The following GRIA3 variants were observed in gnomAD, a reference collection of about 807,000 sequenced individuals.
GRIA3 encodes the protein glutamate ionotropic receptor AMPA type subunit 3.
In GRIA3, 3 loss-of-function variants were observed where a neutral mutation model predicts 63.0. The ratio of observed to expected loss-of-function variants is 0.05; its 90% CI spans 0.02 to 0.12. The LOEUF is 0.12. GRIA3 is among the 10% of genes least tolerant of loss of function. GRIA3 has a pLI of 1.00. For synonymous variants in GRIA3, 274 were observed against 257.9 expected (o/e 1.06, Z -0.60); for missense variants, 347 against 700.9 (o/e 0.50, Z 5.70).
intron 13 of GRIA3, among the ~76,000 whole-genome samples, chrX:123,471,382 G>T (rs956828699): frequency 5.4e-5 from 6 of 112,003 alleles, no homozygotes; most frequent in Non-Finnish European, 1.1e-4. Flanking sequence ...TTTAAAAAAT[G>T]AACTATGGCC....
intron 12 of GRIA3, among the ~76,000 whole-genome samples, chrX:123,435,500 G>GC (rs2045639275): frequency 8.9e-6 from 1 of 112,016 alleles, no homozygotes; most frequent in African/African-American, 3.2e-5. Context: ...GGATCCTGAT[G>GC]CTCTGAGTCT....
chrX:123,426,464 C>T (rs1213039075), intron 11 of GRIA3, among the ~76,000 whole-genome samples: 2 of 111,875 alleles, frequency 1.8e-5, no homozygotes, highest in African/African-American at 6.5e-5. Context: ...AGTCCCAACC[C>T]CCAGGGTTAT....
At chrX:123,477,218 G>A (rs750980668) in intron 13 of GRIA3, among the ~76,000 whole-genome samples, 4 of 111,839 alleles carry the variant, frequency 3.6e-5, no homozygotes, top group Non-Finnish European at 5.6e-5. Flanking sequence ...AAATGATTAA[G>A]AATCCCAAAT....
intron 3 of GRIA3, among the ~76,000 whole-genome samples, chrX:123,302,619 G>C (rs1383158084): frequency 9.0e-6 from 1 of 111,227 alleles, no homozygotes; most frequent in Admixed American, 9.6e-5. Context: ...GTAGTAGAAG[G>C]CATGCAATTT....
chrX:123,199,224 T>C (rs1014920827), intron 2 of GRIA3, among the ~76,000 whole-genome samples: 1 of 110,631 alleles, frequency 9.0e-6, no homozygotes, highest in African/African-American at 3.3e-5. Flanking sequence ...TAAGCATAGA[T>C]TCATGAGAAA....
chrX:123,393,845 T>C (rs904722628), intron 5 of GRIA3, among the ~76,000 whole-genome samples: 2 of 112,271 alleles, frequency 1.8e-5, no homozygotes, highest in African/African-American at 6.5e-5. Context: ...CTTCAGCTCA[T>C]TGAAGACCCT....
At chrX:123,331,318 C>T (rs755140573) in intron 4 of GRIA3, among the ~76,000 whole-genome samples, 2 of 111,586 alleles carry the variant, frequency 1.8e-5, no homozygotes, top group Non-Finnish European at 3.8e-5. Context: ...TCAGAAACCC[C>T]GGCTGTCACT....
chrX:123,377,097 G>A (rs1372561719), intron 5 of GRIA3, among the ~76,000 whole-genome samples: 1 of 109,727 alleles, frequency 9.1e-6, no homozygotes, highest in Non-Finnish European at 1.9e-5. Context: ...ACCATGCCCG[G>A]CTAATTTTTT....
chrX:123,447,471 G>A (rs1163767095), intron 12 of GRIA3, among the ~76,000 whole-genome samples: 1 of 111,355 alleles, frequency 9.0e-6, no homozygotes, highest in Non-Finnish European at 1.9e-5. Context: ...ACCAAATAAT[G>A]GTGTGATTTG....
intron 10 of GRIA3, among the ~76,000 whole-genome samples, chrX:123,410,730 T>C (rs955579055): frequency 3.6e-5 from 4 of 111,461 alleles, no homozygotes; most frequent in African/African-American, 1.3e-4. Flanking sequence ...CCCCCCTCCT[T>C]CAAATGATGC....
intron 5 of GRIA3, among the ~76,000 whole-genome samples, chrX:123,389,896 CGA>C (rs2045375793): frequency 9.1e-6 from 1 of 110,444 alleles, no homozygotes; most frequent in Non-Finnish European, 1.9e-5. Context: ...TTAGTAGAGA[CGA>C]AGTTTCACCA....
intron 2 of GRIA3, among the ~76,000 whole-genome samples, chrX:123,200,248 G>T (rs780139028): frequency 9.1e-6 from 1 of 109,661 alleles, no homozygotes; most frequent in African/African-American, 3.3e-5. Flanking sequence ...TATTATTATA[G>T]AATTTAAAAT....
At chrX:123,229,209 C>T (rs1256957955) in intron 2 of GRIA3, among the ~76,000 whole-genome samples, 1 of 111,305 alleles carries the variant, frequency 9.0e-6, no homozygotes, top group African/African-American at 3.3e-5. Context: ...TGCAGGTCTA[C>T]AATTCAGGTC....
intron 6 of GRIA3, among the ~76,000 whole-genome samples, chrX:123,395,929 G>A (rs2045410567): frequency 9.1e-6 from 1 of 110,453 alleles, no homozygotes; most frequent in South Asian, 3.9e-4. Context: ...GCTGTGGTAC[G>A]AAATAGGGGA....
intron 2 of GRIA3, among the ~76,000 whole-genome samples, chrX:123,210,329 C>T (rs1391896692): frequency 9.1e-6 from 1 of 110,329 alleles, no homozygotes; most frequent in Non-Finnish European, 1.9e-5. Context: ...CTTTTGAGTT[C>T]ACCAGTGATC....
chrX:123,200,139 C>T (rs758433702), intron 2 of GRIA3, among the ~76,000 whole-genome samples: 43 of 110,964 alleles, frequency 3.9e-4, no homozygotes, highest in Non-Finnish European at 7.4e-4. Context: ...TCTGTTATCT[C>T]TTTTTCTCTA....
At chrX:123,229,419 A>C (rs2044265162) in intron 2 of GRIA3, among the ~76,000 whole-genome samples, 1 of 111,977 alleles carries the variant, frequency 8.9e-6, no homozygotes, top group Non-Finnish European at 1.9e-5. Context: ...TTGTATCTAT[A>C]AAAATTATTT....
At chrX:123,416,157 G>A (rs927020528) in intron 10 of GRIA3, among the ~76,000 whole-genome samples, 2 of 111,777 alleles carry the variant, frequency 1.8e-5, no homozygotes, top group African/African-American at 3.3e-5. Context: ...TATAGAATAA[G>A]CACTCAATAA....
chrX:123,484,436 T>C (rs149971264), intron 15 of GRIA3, among the ~76,000 whole-genome samples: 1,666 of 111,496 alleles, frequency 0.015, 17 homozygotes, highest in Middle Eastern at 0.047. Flanking sequence ...TGTTTTGTTG[T>C]TGTTGTTGTT....
Sources: allele counts gnomAD v4.1 joint callset (sites outside exome capture counted in the v4.1 genomes callset), GRCh38; gene constraint gnomAD v4.1.1; transcripts MANE v1.5; gene names NCBI Gene and HGNC (gene_info 2026-07-23, HGNC 2026-07-21).